The following THSD4 variants were observed in gnomAD, a reference collection of about 807,000 sequenced individuals.
The protein encoded by THSD4 is thrombospondin type-1 domain-containing protein 4.
A neutral mutation model predicts 119.0 loss-of-function variants in THSD4; 69 were observed. The observed-to-expected ratio is 0.58, with a 90% CI of 0.48 to 0.71. THSD4 has a LOEUF of 0.71. Ranked by LOEUF, THSD4 falls within the 30% of genes least tolerant of loss-of-function variation. The pLI is 0.00. For synonymous variants in THSD4, 524 were observed against 540.4 expected, an observed-to-expected ratio of 0.97 and a Z score of 0.42; for missense variants, 1,393 against 1,391.1, an observed-to-expected ratio of 1.00 and a Z score of -0.02.
At chr15:71,500,511 T>G (rs1487422794) in intron 7 of THSD4, among the ~76,000 whole-genome samples, 1 of 152,236 alleles carries the variant, frequency 6.6e-6, no homozygotes, top group African/African-American at 2.4e-5. Context: ...TTTGTTTTTA[T>G]TGCCTGTGTT....
intron 14 of THSD4, among the ~76,000 whole-genome samples, chr15:71,757,226 C>T (rs1304200745): frequency 6.6e-6 from 1 of 152,048 alleles, no homozygotes; most frequent in Non-Finnish European, 1.5e-5. Context: ...GCCAAGCTCT[C>T]CCTCTATACC....
intron 6 of THSD4, among the ~76,000 whole-genome samples, chr15:71,352,258 T>A (rs1213307618): frequency 6.6e-6 from 1 of 152,360 alleles, no homozygotes; most frequent in African/African-American, 2.4e-5. Flanking sequence ...GGTGTCACTA[T>A]TACGTGCAGC....
chr15:71,177,873 A>G (rs1331656307), intron 3 of THSD4, among the ~76,000 whole-genome samples: 1 of 151,300 alleles, frequency 6.6e-6, no homozygotes, highest in East Asian at 2.0e-4. Flanking sequence ...CTATAAACAG[A>G]ACCAAAGACA....
At chr15:71,739,819 G>T (rs2053200847) in intron 11 of THSD4, among the ~76,000 whole-genome samples, 1 of 147,300 alleles carries the variant, frequency 6.8e-6, no homozygotes, top group Non-Finnish European at 1.5e-5. Flanking sequence ...TTTTTGCTTT[G>T]CTTTGCTTTG....
intron 7 of THSD4, among the ~76,000 whole-genome samples, chr15:71,492,955 G>A (rs1297926641): frequency 6.6e-6 from 1 of 151,824 alleles, no homozygotes; most frequent in Non-Finnish European, 1.5e-5. Flanking sequence ...CTGTAATGAG[G>A]AAAGTAGCCC....
At position 71,757,893 on chromosome 15, in the gene THSD4, G is replaced by T. The variant is rs1467735249; in HGVS notation, c.2416-9G>T. 2 of 1,612,950 alleles carry T rather than the reference G, an allele frequency of 1.2e-6. No homozygotes were observed. The highest frequency in any genetic ancestry group is 1.7e-6 in the Non-Finnish European group (2 of 1,179,920). ...CTCCTGACTAATGTGCCCTTCCCCTGTCTCACAGTGCTCAGCGGAGTGTGG... is the reference window on the plus strand; with the variant it reads ...CTCCTGACTAATGTGCCCTTCCCCTTTCTCACAGTGCTCAGCGGAGTGTGG... On this transcript the variant is annotated splice_polypyrimidine_tract_variant and intron_variant, in intron 14 of 17. Coordinates refer to ENST00000261862, the MANE Select transcript of THSD4 (RefSeq NM_024817.3).
intron 7 of THSD4, among the ~76,000 whole-genome samples, chr15:71,609,320 G>T (rs2050175129): frequency 6.6e-6 from 1 of 152,172 alleles, no homozygotes; most frequent in African/African-American, 2.4e-5. Flanking sequence ...ACTGTGGAAG[G>T]GGTCATTTCA....
intron 6 of THSD4, among the ~76,000 whole-genome samples, chr15:71,298,377 C>T (rs1009030181): frequency 6.6e-6 from 1 of 152,126 alleles, no homozygotes; most frequent in African/African-American, 2.4e-5. Context: ...TGTAAGTCTT[C>T]CAACTTTGTT....
At chr15:71,112,414 G>A, upstream of THSD4, 2 of 502,270 alleles carry the variant, frequency 4.0e-6, no homozygotes, top group South Asian at 7.7e-5. Flanking sequence ...GAAGAGTTAT[G>A]TTTCTTGTCT....
chr15:71,739,465 G>C (rs1316628025), intron 11 of THSD4, among the ~76,000 whole-genome samples: 1 of 152,156 alleles, frequency 6.6e-6, no homozygotes, highest in Admixed American at 6.5e-5. Flanking sequence ...ATGATGAAGT[G>C]GACCCAGGGT....
At chr15:71,120,819 G>A (rs543094717) in intron 1 of THSD4, among the ~76,000 whole-genome samples, 33 of 152,334 alleles carry the variant, frequency 2.2e-4, no homozygotes, top group African/African-American at 7.9e-4. Flanking sequence ...GGCCCTCTGA[G>A]CCCCAGTAGG....
At chr15:71,343,606 CCTT>C (rs1227355101) in intron 6 of THSD4, among the ~76,000 whole-genome samples, 1 of 152,044 alleles carries the variant, frequency 6.6e-6, no homozygotes, top group African/African-American at 2.4e-5. Context: ...CTTCAAGTGA[CCTT>C]CTGCTCTGTG....
intron 3 of THSD4, among the ~76,000 whole-genome samples, chr15:71,173,489 AGTT>A (rs1162344322): frequency 6.6e-6 from 1 of 151,726 alleles, no homozygotes; most frequent in Non-Finnish European, 1.5e-5. Flanking sequence ...TAAAAATCCC[AGTT>A]GTTATTGGTG....
intron 1 of THSD4, among the ~76,000 whole-genome samples, chr15:71,136,884 G>C (rs1363756038): frequency 1.3e-5 from 2 of 152,140 alleles, no homozygotes; most frequent in Non-Finnish European, 2.9e-5. Context: ...AGTTCAGGCA[G>C]CATGGCATCC....
intron 7 of THSD4, among the ~76,000 whole-genome samples, chr15:71,599,376 G>A (rs7166459): frequency 0.91 from 138,911 of 152,106 alleles, 64,830 homozygotes; most frequent in East Asian, 1. Flanking sequence ...CCCACTTCCT[G>A]TCTAACTATT....
At chr15:71,618,671 TCA>T (rs2050365178) in intron 7 of THSD4, among the ~76,000 whole-genome samples, 1 of 151,936 alleles carries the variant, frequency 6.6e-6, no homozygotes, top group Non-Finnish European at 1.5e-5. Flanking sequence ...CCTCCTGGGC[TCA>T]GGTGATCCTC....
At chr15:71,755,706 CAAAAAAAAAA>C (rs10555546) in intron 14 of THSD4, among the ~76,000 whole-genome samples, 13 of 50,280 alleles carry the variant, frequency 2.6e-4, no homozygotes, top group East Asian at 7.8e-4. Context: ...TCAGCAAAGA[CAAAAAAAAAA>C]AAAAAAAAAA....
chr15:71,438,516 T>C (rs924152161), intron 7 of THSD4, among the ~76,000 whole-genome samples: 2 of 152,238 alleles, frequency 1.3e-5, no homozygotes, highest in Non-Finnish European at 2.9e-5. Flanking sequence ...ATTAATTCAT[T>C]TGGAATTTAT....
chr15:71,300,580 A>C (rs1449651084), intron 6 of THSD4, among the ~76,000 whole-genome samples: 1 of 152,214 alleles, frequency 6.6e-6, no homozygotes, highest in Non-Finnish European at 1.5e-5. Context: ...CACATATTCT[A>C]GGCAGGGTTC....
Sources: gnomAD v4.1 joint callset for allele counts (sites outside exome capture counted in the v4.1 genomes callset) on GRCh38, gnomAD v4.1.1 for gene constraint, MANE v1.5 for transcripts, NCBI Gene and HGNC (gene_info 2026-07-23, HGNC 2026-07-21) for gene names.